JAK1: variants seen among roughly 807,000 people sequenced by gnomAD.
JAK1 encodes tyrosine-protein kinase JAK1.
Under a neutral mutation model 136.6 loss-of-function variants are expected in JAK1, and 16 were observed. The observed-to-expected ratio is 0.12, with a 90% CI of 0.08 to 0.18. The LOEUF (loss-of-function observed/expected upper bound fraction) is 0.18. Ranked by LOEUF, JAK1 falls within the 10% of genes least tolerant of loss-of-function variation. The pLI, the probability that JAK1 is intolerant of heterozygous loss-of-function variation, is 1.00. For missense variants in JAK1, 859 were observed against 1,450.1 expected, an observed-to-expected ratio of 0.59 and a Z score of 6.62; for synonymous variants, 492 against 519.5, an observed-to-expected ratio of 0.95 and a Z score of 0.72.
At chr1:64,882,054 A>G (rs549168231) in intron 3 of JAK1, among the ~76,000 whole-genome samples, 1 of 152,230 alleles carries the variant, frequency 6.6e-6, no homozygotes, top group African/African-American at 2.4e-5. Flanking sequence ...ATTGCGGCCT[A>G]GTCAAAATAA....
At chr1:65,047,907 A>G (rs990496007) in intron 1 of JAK1, among the ~76,000 whole-genome samples, 10 of 152,070 alleles carry the variant, frequency 6.6e-5, no homozygotes, top group African/African-American at 2.2e-4. Flanking sequence ...GAATTGAGAT[A>G]ATACAGGTAA....
At chr1:65,003,013 C>CT (rs11410336) in intron 2 of JAK1, among the ~76,000 whole-genome samples, 67,947 of 119,674 alleles carry the variant, frequency 0.57, 22,837 homozygotes, top group Non-Finnish European at 0.76. Context: ...GACAACCTAG[C>CT]TTTTTTTTTT....
intron 17 of JAK1, 126 bp downstream of exon 17, chr1:64,843,938 G>T: frequency 9.9e-7 from 1 of 1,005,848 alleles, no homozygotes; most frequent in Non-Finnish European, 1.5e-6. Context: ...CACCCAGTAG[G>T]CCCGTGAAGA....
intron 1 of JAK1, among the ~76,000 whole-genome samples, chr1:65,062,612 C>T (rs1647842097): frequency 6.6e-6 from 1 of 152,234 alleles, no homozygotes; most frequent in Non-Finnish European, 1.5e-5. Flanking sequence ...ATTCCTACAT[C>T]TGTAAAATGA....
At chr1:64,872,846 T>G (rs1178858145) in intron 5 of JAK1, among the ~76,000 whole-genome samples, 4 of 152,178 alleles carry the variant, frequency 2.6e-5, no homozygotes, top group Non-Finnish European at 5.9e-5. Flanking sequence ...CATGTTAAAA[T>G]CAGGAAGCAT....
chr1:64,867,314 G>C, intron 6 of JAK1, 106 bp from the exon 7 acceptor site: 1 of 769,400 alleles, frequency 1.3e-6, no homozygotes, highest in Non-Finnish European at 2.1e-6. Context: ...AAATGGGAAA[G>C]GGAGATCTAT....
At chr1:65,013,060 C>G in intron 2 of JAK1, among the ~76,000 whole-genome samples, 1 of 140,320 alleles carries the variant, frequency 7.1e-6, no homozygotes, top group African/African-American at 2.7e-5. Context: ...CGTGCCACTG[C>G]ACTCCAGCCT....
rs1223041661 is a variant in JAK1, at chr1:64,940,903, G to A, written c.-78+25430C>T. On this transcript the variant is annotated intron_variant, in intron 1 of 24. Transcript: ENST00000342505. ...TGGCCAGGCGCAGTCAGTCACTCACGCTTGTAATCTCAGCATTTTGGGAGG... is the reference window on the plus strand; with the variant it reads ...TGGCCAGGCGCAGTCAGTCACTCACACTTGTAATCTCAGCATTTTGGGAGG... Among the ~76,000 whole-genome samples, 5 of 152,140 alleles carry A rather than the reference G, an allele frequency of 3.3e-5. No individual in the cohort carries two copies. The East Asian group carries it at 9.6e-4, about 29-fold the overall frequency.
intron 1 of JAK1, among the ~76,000 whole-genome samples, chr1:64,929,288 G>C (rs1434382752): frequency 6.6e-6 from 1 of 152,192 alleles, no homozygotes; most frequent in African/African-American, 2.4e-5. Flanking sequence ...AATAAAGAAT[G>C]AAAGTATTTG....
intron 9 of JAK1, 117 bp downstream of exon 9, chr1:64,859,988 C>A (rs1656185470): frequency 1.2e-6 from 1 of 842,766 alleles, no homozygotes; most frequent in Non-Finnish European, 1.7e-6. Context: ...GGAGGACAGC[C>A]AACAAGTACC....
At chr1:65,050,042 A>G (rs1647242865) in intron 1 of JAK1, among the ~76,000 whole-genome samples, 1 of 152,204 alleles carries the variant, frequency 6.6e-6, no homozygotes, top group Admixed American at 6.5e-5. Flanking sequence ...AAAATGCCGC[A>G]GAGATGCAGA....
chr1:64,894,393 C>T (rs907814688), intron 1 of JAK1, among the ~76,000 whole-genome samples: 4 of 152,158 alleles, frequency 2.6e-5, no homozygotes, highest in African/African-American at 9.7e-5. Flanking sequence ...CCCCAAATGG[C>T]AAATGTCCAT....
At chr1:64,835,954 A>C in intron 23 of JAK1, 144 bp downstream of exon 23, 1 of 637,218 alleles carries the variant, frequency 1.6e-6, no homozygotes, top group Non-Finnish European at 2.8e-6. Flanking sequence ...ACTGTCAAGT[A>C]GCAAACCAAG....
intron 2 of JAK1, among the ~76,000 whole-genome samples, chr1:64,978,405 T>C (rs1241813611): frequency 6.6e-6 from 1 of 152,236 alleles, no homozygotes; most frequent in African/African-American, 2.4e-5. Flanking sequence ...TAGTTTATTA[T>C]AAAAACACTT....
intron 1 of JAK1, among the ~76,000 whole-genome samples, chr1:64,938,974 T>TTTTTC (rs779707771): frequency 6.6e-5 from 10 of 152,284 alleles, no homozygotes; most frequent in African/African-American, 2.2e-4. Context: ...ACCTAGCATT[T>TTTTTC]TTTTCTTTTC....
At chr1:65,024,660 CAAAAAAA>C (rs11349903) in intron 2 of JAK1, among the ~76,000 whole-genome samples, 6 of 69,866 alleles carry the variant, frequency 8.6e-5, no homozygotes, top group Non-Finnish European at 1.5e-4. Context: ...TGGTCCAAAG[CAAAAAAA>C]AAAAAAAAAA....
chr1:65,012,060 G>A (rs987907928), intron 2 of JAK1, among the ~76,000 whole-genome samples: 5 of 152,254 alleles, frequency 3.3e-5, no homozygotes, highest in Non-Finnish European at 7.3e-5. Context: ...GCACTCAGAT[G>A]TTCCTGCATC....
chr1:65,020,197 C>G (rs1481533115), intron 2 of JAK1, among the ~76,000 whole-genome samples: 2 of 131,266 alleles, frequency 1.5e-5, no homozygotes, highest in Admixed American at 1.8e-4. Context: ...TGCACTCCAG[C>G]TTGGGCAAAA....
At chr1:65,030,261 C>T (rs574389788) in intron 2 of JAK1, among the ~76,000 whole-genome samples, 1 of 152,242 alleles carries the variant, frequency 6.6e-6, no homozygotes, top group African/African-American at 2.4e-5. Flanking sequence ...TCCCAGCCTC[C>T]AGAACTGTGA....
Sources: gnomAD v4.1 joint callset for allele counts (sites outside exome capture counted in the v4.1 genomes callset) on GRCh38, gnomAD v4.1.1 for gene constraint, MANE v1.5 for transcripts, NCBI Gene and HGNC (gene_info 2026-07-23, HGNC 2026-07-21) for gene names.